Variants in C8orf34 observed in about 807,000 individuals in gnomAD.
The protein encoded by C8orf34 is chromosome 8 open reading frame 34.
Under a neutral mutation model 68.3 loss-of-function variants are expected in C8orf34, and 65 were observed. That is an observed-to-expected ratio of 0.95 (90% CI 0.78 to 1.17). The LOEUF is 1.17. C8orf34 is among the 50% of genes most tolerant of loss of function. The probability of loss-of-function intolerance (pLI) is 0.00; values close to 1 mark genes in which losing one functional copy is unlikely to be tolerated. For missense variants in C8orf34, 664 were observed against 655.4 expected (o/e 1.01, Z -0.14); for synonymous variants, 244 against 241.2 (o/e 1.01, Z -0.11).
At chr8:68,596,684 C>T (rs1817555414) in intron 7 of C8orf34, among the ~76,000 whole-genome samples, 1 of 152,122 alleles carries the variant, frequency 6.6e-6, no homozygotes, top group African/African-American at 2.4e-5. Context: ...TAACCACAAG[C>T]CTAGGAAACC....
chr8:68,453,061 A>G (rs1410981336), intron 3 of C8orf34, among the ~76,000 whole-genome samples: 1 of 151,966 alleles, frequency 6.6e-6, no homozygotes, highest in Non-Finnish European at 1.5e-5. Context: ...CCCCATTGAA[A>G]ATCGATTAAC....
At chr8:68,545,668 T>C (rs1815851420) in intron 7 of C8orf34, among the ~76,000 whole-genome samples, 1 of 152,016 alleles carries the variant, frequency 6.6e-6, no homozygotes, top group Non-Finnish European at 1.5e-5. Context: ...AAAATAAAGA[T>C]AGTTAAGCAA....
chr8:68,777,552 A>T (rs558889039), intron 11 of C8orf34, among the ~76,000 whole-genome samples: 2 of 152,216 alleles, frequency 1.3e-5, no homozygotes, highest in African/African-American at 4.8e-5. Context: ...TCCTCTGACT[A>T]CAACACTGCC....
chr8:68,413,835 G>A (rs1563417235), intron 1 of C8orf34, among the ~76,000 whole-genome samples: 1 of 152,124 alleles, frequency 6.6e-6, no homozygotes, highest in Non-Finnish European at 1.5e-5. Flanking sequence ...ATCTTTAAAA[G>A]GGCAAATGTA....
chr8:68,606,143 A>G (rs915117803), intron 7 of C8orf34, among the ~76,000 whole-genome samples: 4 of 152,162 alleles, frequency 2.6e-5, no homozygotes, highest in Non-Finnish European at 5.9e-5. Flanking sequence ...TAAATGATGG[A>G]TTGAGGAAAA....
rs576289224 is a variant in C8orf34, at chr8:68,443,622, G to A, written c.476-2707G>A. Among the ~76,000 whole-genome samples the A allele has an allele frequency of 1.2e-3, 182 of 151,826 alleles. 1 individual carries two copies. Among genetic ancestry groups the A allele is most frequent in the Non-Finnish European group, 2.0e-3 (139 of 67,944 alleles). On this transcript the variant is annotated intron_variant, in intron 2 of 13. Transcript: ENST00000518698. ...GGGGTTTCACCATGTTGGTCAGGAT[G>A]GTCTCGATCTCTTGACCTCGTGATC... is the stretch of plus-strand genomic sequence containing the variant.
chr8:68,683,896 G>A (rs997428218), intron 8 of C8orf34, among the ~76,000 whole-genome samples: 4 of 152,162 alleles, frequency 2.6e-5, no homozygotes, highest in African/African-American at 9.6e-5. Flanking sequence ...TGTTCCCAGT[G>A]AGTGTAACTC....
intron 8 of C8orf34, among the ~76,000 whole-genome samples, chr8:68,676,368 C>G (rs1204131679): frequency 6.6e-6 from 1 of 151,866 alleles, no homozygotes; most frequent in East Asian, 1.9e-4. Flanking sequence ...CTCTAGAGCA[C>G]CAGATATATA....
At chr8:68,330,791 A>T, upstream of C8orf34, 1 of 427,762 alleles carries the variant, frequency 2.3e-6, no homozygotes, top group South Asian at 5.3e-5. Flanking sequence ...TCGCGCGCGC[A>T]CGGACACACA....
At chr8:68,415,977 T>G (rs190184595) in intron 1 of C8orf34, among the ~76,000 whole-genome samples, 255 of 152,330 alleles carry the variant, frequency 1.7e-3, no homozygotes, top group African/African-American at 6.0e-3. Context: ...CCCAATTTCC[T>G]TATTCTAAAA....
chr8:68,740,529 A>G (rs1335192257), intron 10 of C8orf34, among the ~76,000 whole-genome samples: 1 of 152,216 alleles, frequency 6.6e-6, no homozygotes, highest in Non-Finnish European at 1.5e-5. Flanking sequence ...AATCAAAATC[A>G]CAATGAGATA....
intron 8 of C8orf34, among the ~76,000 whole-genome samples, chr8:68,701,162 A>G (rs1242755588): frequency 6.6e-6 from 1 of 152,056 alleles, no homozygotes; most frequent in Non-Finnish European, 1.5e-5. Flanking sequence ...CTTTGTAGAA[A>G]TTTTGGAATC....
At chr8:68,472,819 ATTC>A (rs1812438707) in intron 4 of C8orf34, among the ~76,000 whole-genome samples, 1 of 152,150 alleles carries the variant, frequency 6.6e-6, no homozygotes, top group South Asian at 2.1e-4. Flanking sequence ...GATATTTTAT[ATTC>A]TTTTTCTCTC....
intron 8 of C8orf34, among the ~76,000 whole-genome samples, chr8:68,671,859 C>G (rs148454070): frequency 6.6e-6 from 1 of 151,968 alleles, no homozygotes; most frequent in Non-Finnish European, 1.5e-5. Flanking sequence ...CTGAGGTTTG[C>G]AATTTAGGTA....
rs901922909 is a variant in C8orf34, at chr8:68,331,109, G to T, written c.97G>T (p.Ala33Ser). Residue 33 changes from alanine to serine, a missense_variant, in exon 1 of 14, where the codon GCC becomes TCC. Ala to Ser is a moderately conservative substitution (Grantham distance 99, BLOSUM62 1). Transcript: ENST00000518698. ...CCACGCGCGCGTGGCTCCCCGGGCTGCCACCCACGCCCGCGGCCGGGGCCG... is the reference window on the plus strand; with the variant it reads ...CCACGCGCGCGTGGCTCCCCGGGCTTCCACCCACGCCCGCGGCCGGGGCCG... ...APHARVAPRA[A>S]THARGRGRAS... is the part of the protein sequence containing the mutation. The T allele has an allele frequency of 5.9e-5, 88 of 1,496,422 alleles. 1 individual carries two copies. The highest frequency in any genetic ancestry group is 3.2e-4 in the Admixed American group (14 of 44,402). 92.7% of individuals were successfully genotyped at this position (1,496,422 alleles called of 1,614,324 possible). A position where few individuals can be genotyped will look rare whatever the true frequency, so the allele number is the denominator to read the frequency against.
chr8:68,487,588 C>T (rs1024286223), intron 4 of C8orf34, among the ~76,000 whole-genome samples: 2 of 152,210 alleles, frequency 1.3e-5, no homozygotes, highest in South Asian at 2.1e-4. Context: ...AAACTAAAGA[C>T]ATTAGAATAA....
At chr8:68,596,644 C>T (rs1340314324) in intron 7 of C8orf34, among the ~76,000 whole-genome samples, 1 of 152,140 alleles carries the variant, frequency 6.6e-6, no homozygotes, top group Non-Finnish European at 1.5e-5. Context: ...CCAGGTGACA[C>T]CTGCATATCT....
intron 11 of C8orf34, among the ~76,000 whole-genome samples, chr8:68,784,857 A>G (rs2953954): frequency 0.47 from 70,901 of 151,486 alleles, 19,249 homozygotes; most frequent in African/African-American, 0.75. Flanking sequence ...TTTTGGCACT[A>G]CCAGATGGTT....
At position 68,533,659 on chromosome 8, in the gene C8orf34, T is replaced by C. The variant is rs1047527836; in HGVS notation, c.1105+510T>C. The C allele has an allele frequency of 2.5e-5, 24 of 976,900 alleles. No individual in the cohort carries two copies. The African/African-American group carries it at 4.2e-4, about 17-fold the overall frequency. 60.5% of individuals were successfully genotyped at this position (976,900 alleles called of 1,614,324 possible). A position where few individuals can be genotyped will look rare whatever the true frequency, so the allele number is the denominator to read the frequency against. ...GAAAGTTTGCAGAGATTTCAAAGTT[T>C]CTTCAGGCCTGTTACTTTCATGAAA... On this transcript the variant is annotated intron_variant, in intron 7 of 13. Transcript: ENST00000518698.
Sources: gnomAD v4.1 joint callset for allele counts (sites outside exome capture counted in the v4.1 genomes callset) on GRCh38, gnomAD v4.1.1 for gene constraint, MANE v1.5 for transcripts, NCBI Gene and HGNC (gene_info 2026-07-23, HGNC 2026-07-21) for gene names.